Variants in NCLN observed in about 807,000 individuals in gnomAD.
NCLN encodes BOS complex subunit NCLN.
NCLN carries 34 observed loss-of-function variants against 69.5 expected under a neutral mutation model. The observed-to-expected ratio is 0.49, with a 90% CI of 0.37 to 0.65. The LOEUF (loss-of-function observed/expected upper bound fraction) is 0.65, where lower values mean the gene tolerates loss of function less well. Ranked by LOEUF, NCLN falls within the 30% of genes least tolerant of loss-of-function variation. NCLN has a pLI of 0.00. For missense variants in NCLN, 710 were observed against 804.8 expected (o/e 0.88, Z 1.42); for synonymous variants, 393 against 358.3 (o/e 1.10, Z -1.09).
Position 3,204,351 on chromosome 19 carries a change from C to T in NCLN, c.1029+207C>T, listed in dbSNP as rs147867389. On this transcript the variant is annotated intron_variant, in intron 8 of 14. Coordinates refer to ENST00000246117, the MANE Select transcript of NCLN (RefSeq NM_020170.4). ...TCTGAGGGGCACACTGCGTCAGGGC[C>T]GGGCTGGGGTGTCCTGTCCCAGAGT... is the stretch of plus-strand genomic sequence containing the variant. 1.2e-3 allele frequency among the ~76,000 whole-genome samples: 190 copies of T among 152,162 alleles called. 1 individual carries two copies. Among genetic ancestry groups the T allele is most frequent in the African/African-American group, 3.8e-3 (156 of 41,524 alleles).
At chr19:3,200,270 C>T (rs928536607) in intron 5 of NCLN, among the ~76,000 whole-genome samples, 30 of 151,432 alleles carry the variant, frequency 2.0e-4, no homozygotes, top group African/African-American at 6.8e-4. Context: ...CCTCATTGTC[C>T]CCTATGAAGC....
chr19:3,203,098 C>CTG (rs1916168782), intron 6 of NCLN, among the ~76,000 whole-genome samples: 1 of 152,122 alleles, frequency 6.6e-6, no homozygotes, highest in Admixed American at 6.5e-5. Flanking sequence ...GGTGGATCAC[C>CTG]TGTCAGGAGT....
At chr19:3,197,528 G>A (rs1387866131) in intron 4 of NCLN, among the ~76,000 whole-genome samples, 1 of 152,140 alleles carries the variant, frequency 6.6e-6, no homozygotes, top group Non-Finnish European at 1.5e-5. Context: ...TGCAACCTCC[G>A]CCTCCCAGGT....
chr19:3,190,102 C>T (rs1915778115), intron 1 of NCLN, among the ~76,000 whole-genome samples: 1 of 152,204 alleles, frequency 6.6e-6, no homozygotes, highest in Non-Finnish European at 1.5e-5. Context: ...ATTCGAGTCA[C>T]CCCTGGGAGG....
chr19:3,202,150 C>T (rs1325441730), intron 6 of NCLN, among the ~76,000 whole-genome samples: 1 of 152,106 alleles, frequency 6.6e-6, no homozygotes, highest in Non-Finnish European at 1.5e-5. Context: ...AGACTATGTC[C>T]CGTGATCATC....
Position 3,186,182 on chromosome 19 carries a change from T to A in NCLN, c.152T>A (p.Met51Lys). 1 of 1,586,322 alleles carries A rather than the reference T, an allele frequency of 6.3e-7. No individual in the cohort carries two copies. Among genetic ancestry groups the A allele is most frequent in the Non-Finnish European group, 8.5e-7 (1 of 1,169,732 alleles). Residue 51 changes from methionine (M) to lysine (K), a missense_variant, in exon 1 of 15, where the codon ATG becomes AAG. Physicochemically the swap from Met to Lys is moderately conservative, Grantham distance 95. Coordinates refer to ENST00000246117, the MANE Select transcript of NCLN (RefSeq NM_020170.4). ...DAAHEFTVYR[M>K]QQYDLQGQPY... is the part of the protein sequence containing the mutation. ...GCGCACGAGTTCACCGTGTACCGCATGCAGCAGTACGACCTGCAGGGCCAG... is the reference window on the plus strand; with the variant it reads ...GCGCACGAGTTCACCGTGTACCGCAAGCAGCAGTACGACCTGCAGGGCCAG...
In NCLN at chr19:3,204,718, G is replaced by A. The variant is rs759414966; in HGVS notation, c.1175G>A (p.Arg392His). The change falls in exon 9 of 15, where the codon CGT becomes CAT. Residue 392 changes from arginine (R) to histidine (H), a missense_variant. Transcript: ENST00000246117. ...ACGCTGTCCCACCTGGAGAGCCACC[G>A]TGACGGCCAGCGCAGCAGCATCATG... ...AFTLSHLESH[R>H]DGQRSSIMDV... 10 of 1,580,436 alleles carry A rather than the reference G, an allele frequency of 6.3e-6. No individual in the cohort carries two copies. The highest frequency in any genetic ancestry group is 2.3e-5 in the East Asian group (1 of 44,106).
chr19:3,186,002 C>T lies in NCLN; in HGVS notation c.-29C>T, dbSNP rs376677144. Reference sequence around the variant, plus strand: ...GCCGCCGCCGTCCCGTCCCAGCTGCCGCCCCGCGCGGCCCCGCCGCCGGCC... The same window carrying T: ...GCCGCCGCCGTCCCGTCCCAGCTGCTGCCCCGCGCGGCCCCGCCGCCGGCC... On this transcript the variant is annotated 5_prime_UTR_variant, in exon 1 of 15. Coordinates refer to ENST00000246117, the MANE Select transcript of NCLN (RefSeq NM_020170.4). 131 of 1,497,054 alleles carry T rather than the reference C, an allele frequency of 8.8e-5. No individual in the cohort carries two copies. Among genetic ancestry groups the T allele is most frequent in the Admixed American group, 1.2e-4 (5 of 42,468 alleles). 92.7% of individuals were successfully genotyped at this position (1,497,054 alleles called of 1,614,324 possible).
intron 4 of NCLN, 51 bp from the exon 5 acceptor site, chr19:3,198,766 G>A (rs1160897046): frequency 6.7e-7 from 1 of 1,491,646 alleles, no homozygotes. Context: ...CCCACACACG[G>A]GTCACCTGCC....
At chr19:3,195,519 T>G (rs548854072) in intron 3 of NCLN, among the ~76,000 whole-genome samples, 175 of 152,294 alleles carry the variant, frequency 1.1e-3, no homozygotes, top group Non-Finnish European at 1.7e-3. Flanking sequence ...AAAGTGCTGG[T>G]ATTCCAGGTG....
intron 8 of NCLN, 46 bp downstream of exon 8, chr19:3,204,190 C>G: frequency 6.8e-7 from 1 of 1,475,676 alleles, no homozygotes; most frequent in Non-Finnish European, 8.9e-7. Flanking sequence ...GCGGAGCACA[C>G]ACATCGGGGC....
intron 6 of NCLN, among the ~76,000 whole-genome samples, chr19:3,201,912 G>T (rs1170442091): frequency 2.0e-5 from 3 of 152,274 alleles, no homozygotes; most frequent in Non-Finnish European, 4.4e-5. Context: ...GGAACTAGGG[G>T]ATCCCCTCAG....
At chr19:3,191,203 C>G (rs1271742591) in intron 1 of NCLN, among the ~76,000 whole-genome samples, 1 of 151,948 alleles carries the variant, frequency 6.6e-6, no homozygotes, top group Non-Finnish European at 1.5e-5. Context: ...GAGCAGGGAC[C>G]CCTGAGCTGC....
chr19:3,206,643 C>T (rs536004326), intron 12 of NCLN, among the ~76,000 whole-genome samples: 2 of 152,286 alleles, frequency 1.3e-5, no homozygotes, highest in Admixed American at 1.3e-4. Context: ...CAAGACCAGA[C>T]TGGCCAACAT....
intron 1 of NCLN, among the ~76,000 whole-genome samples, chr19:3,186,797 C>T (rs1265340237): frequency 1.3e-5 from 2 of 152,246 alleles, no homozygotes; most frequent in East Asian, 1.9e-4. Flanking sequence ...CGCGGTGGTC[C>T]AGCATTCCCC....
intron 6 of NCLN, among the ~76,000 whole-genome samples, chr19:3,202,006 A>C (rs115770232): frequency 9.3e-4 from 141 of 152,076 alleles, no homozygotes; most frequent in African/African-American, 3.3e-3. Context: ...TCCCTGCCCC[A>C]CTCACTCCAT....
chr19:3,198,665 GC>G, intron 4 of NCLN, 151 bp from the exon 5 acceptor site: 1 of 503,514 alleles, frequency 2.0e-6, no homozygotes, highest in Non-Finnish European at 3.4e-6. Context: ...AGAGTCAGAG[GC>G]TGGCACCTCC....
In NCLN at chr19:3,207,188, C is replaced by G. The variant is rs113599850; in HGVS notation, c.1500-10C>G. ...CAGTGGTGCCCCCTGAGAAAGTGCT[C>G]TCTCCCCAGGGACCCAGAGTTTGTC... On this transcript the variant is annotated splice_polypyrimidine_tract_variant and intron_variant, in intron 12 of 14. Transcript: ENST00000246117. 6 of 1,613,438 alleles carry G rather than the reference C, an allele frequency of 3.7e-6. No homozygotes were observed. The African/African-American group carries it at 4.0e-5, about 11-fold the overall frequency.
chr19:3,198,925 A>G (rs772761460), intron 5 of NCLN, 28 bp downstream of exon 5: 1 of 1,396,468 alleles, frequency 7.2e-7, no homozygotes, highest in South Asian at 1.6e-5. Context: ...CATTCCCCCC[A>G]CCCCACAGGG....
Sources: allele counts gnomAD v4.1 joint callset (sites outside exome capture counted in the v4.1 genomes callset), GRCh38; gene constraint gnomAD v4.1.1; transcripts MANE v1.5; gene names NCBI Gene and HGNC (gene_info 2026-07-23, HGNC 2026-07-21).